Variants in FHIT observed in about 807,000 individuals in gnomAD.
FHIT encodes bis(5'-adenosyl)-triphosphatase.
A neutral mutation model predicts 17.9 loss-of-function variants in FHIT; 19 were observed. The observed-to-expected ratio is 1.06, with a 90% CI of 0.74 to 1.56. The LOEUF (loss-of-function observed/expected upper bound fraction) is 1.56, where lower values mean the gene tolerates loss of function less well. Ranked by LOEUF, FHIT falls within the 40% of genes most tolerant of loss-of-function variation. FHIT has a pLI of 0.00. For missense variants in FHIT, 248 were observed against 189.2 expected (o/e 1.31, Z -1.82); for synonymous variants, 81 against 69.7 (o/e 1.16, Z -0.81).
intron 5 of FHIT, among the ~76,000 whole-genome samples, chr3:60,075,041 T>C (rs1389871222): frequency 1.3e-5 from 2 of 152,092 alleles, no homozygotes; most frequent in African/African-American, 4.8e-5. Context: ...TGCTAGCCAG[T>C]TTCTGCCCCC....
At chr3:60,878,483 T>G (rs1704778699) in intron 3 of FHIT, among the ~76,000 whole-genome samples, 1 of 152,102 alleles carries the variant, frequency 6.6e-6, no homozygotes, top group Non-Finnish European at 1.5e-5. Flanking sequence ...TCACTGCCAC[T>G]ACCATACCCC....
chr3:60,324,442 G>A (rs1348982460), intron 5 of FHIT, among the ~76,000 whole-genome samples: 8 of 152,036 alleles, frequency 5.3e-5, no homozygotes, highest in African/African-American at 7.2e-5. Flanking sequence ...AAAATTAGCC[G>A]GGCGTGGTGG....
chr3:60,630,087 C>T (rs2039399596), intron 4 of FHIT, among the ~76,000 whole-genome samples: 1 of 152,186 alleles, frequency 6.6e-6, no homozygotes, highest in Admixed American at 6.6e-5. Flanking sequence ...GAGACTGGTT[C>T]AAACAGGAAC....
chr3:60,126,930 C>T lies in FHIT; in HGVS notation c.104-112778G>A, dbSNP rs151063356. 2.0e-3 allele frequency among the ~76,000 whole-genome samples: 305 copies of T among 152,262 alleles called. 1 individual carries two copies. Among genetic ancestry groups the T allele is most frequent in the African/African-American group, 7.3e-3 (302 of 41,548 alleles). ...ATACCTGCAGGGAGGTGCGCGCTTC[C>T]GTAACTAGTGGCCTTTGTTCTAACC... On this transcript the variant is annotated intron_variant, in intron 5 of 9. Transcript: ENST00000492590.
chr3:61,036,326 T>G (rs2033237115), intron 3 of FHIT, among the ~76,000 whole-genome samples: 1 of 151,534 alleles, frequency 6.6e-6, no homozygotes, highest in African/African-American at 2.4e-5. Flanking sequence ...CCCCCCCTGA[T>G]CTAATCACCC....
At chr3:60,633,859 A>G (rs2039510304) in intron 4 of FHIT, among the ~76,000 whole-genome samples, 1 of 152,240 alleles carries the variant, frequency 6.6e-6, no homozygotes, top group African/African-American at 2.4e-5. Context: ...CACCAAGTCC[A>G]GCTGCCAGGG....
At chr3:61,193,848 GACA>G (rs2038782447) in intron 2 of FHIT, among the ~76,000 whole-genome samples, 1 of 152,100 alleles carries the variant, frequency 6.6e-6, no homozygotes, top group Admixed American at 6.6e-5. Flanking sequence ...TATAACAAAA[GACA>G]GGTCAGCAAG....
intron 3 of FHIT, among the ~76,000 whole-genome samples, chr3:60,890,145 T>A (rs1165732331): frequency 6.6e-6 from 1 of 150,906 alleles, no homozygotes; most frequent in African/African-American, 2.5e-5. Context: ...TGTCACAGTG[T>A]TCTACTTCCA....
intron 4 of FHIT, among the ~76,000 whole-genome samples, chr3:60,678,393 A>G (rs2040670881): frequency 6.6e-6 from 1 of 152,188 alleles, no homozygotes; most frequent in African/African-American, 2.4e-5. Flanking sequence ...TAGCAACTGC[A>G]TGTTATTATA....
intron 5 of FHIT, among the ~76,000 whole-genome samples, chr3:60,504,409 C>A (rs904787731): frequency 1.3e-5 from 2 of 148,726 alleles, no homozygotes; most frequent in African/African-American, 2.5e-5. Flanking sequence ...TCCAGCCTGG[C>A]GACAGAACGA....
intron 5 of FHIT, among the ~76,000 whole-genome samples, chr3:60,141,820 A>T (rs1700051362): frequency 6.6e-6 from 1 of 152,214 alleles, no homozygotes; most frequent in South Asian, 2.1e-4. Context: ...TGTTCATCAT[A>T]AATACAAGGA....
At chr3:60,255,877 C>A (rs1705965957) in intron 5 of FHIT, among the ~76,000 whole-genome samples, 1 of 151,760 alleles carries the variant, frequency 6.6e-6, no homozygotes, top group Non-Finnish European at 1.5e-5. Context: ...CAAAAAAAAA[C>A]AAACAACAAA....
intron 5 of FHIT, among the ~76,000 whole-genome samples, chr3:60,113,875 G>T (rs927432317): frequency 2.7e-4 from 40 of 146,114 alleles, no homozygotes; most frequent in African/African-American, 1.0e-3. Context: ...GGTGGCGGGC[G>T]CCTGTAGTCC....
At chr3:60,604,617 T>G (rs35710425) in intron 4 of FHIT, among the ~76,000 whole-genome samples, 2,033 of 152,264 alleles carry the variant, frequency 0.013, 32 homozygotes, top group Non-Finnish European at 0.02. Context: ...ACAAATTATG[T>G]CATTTCTTAT....
At chr3:59,804,141 C>T (rs917019220) in intron 8 of FHIT, among the ~76,000 whole-genome samples, 3 of 152,186 alleles carry the variant, frequency 2.0e-5, no homozygotes, top group African/African-American at 4.8e-5. Context: ...TCTCGCAGAG[C>T]GACCATCAGG....
At chr3:60,253,022 A>G (rs1004800317) in intron 5 of FHIT, among the ~76,000 whole-genome samples, 4 of 152,084 alleles carry the variant, frequency 2.6e-5, no homozygotes, top group African/African-American at 9.7e-5. Flanking sequence ...AATAAATAAT[A>G]AAAAATAAAA....
At chr3:60,180,933 T>G (rs1292732482) in intron 5 of FHIT, among the ~76,000 whole-genome samples, 1 of 152,086 alleles carries the variant, frequency 6.6e-6, no homozygotes, top group Non-Finnish European at 1.5e-5. Context: ...AGTAAGCATT[T>G]ACTTATATTT....
intron 5 of FHIT, among the ~76,000 whole-genome samples, chr3:60,453,026 A>G (rs1352745505): frequency 6.6e-6 from 1 of 152,224 alleles, no homozygotes; most frequent in Non-Finnish European, 1.5e-5. Flanking sequence ...TACAAGTTCA[A>G]AGTACAAAAT....
At chr3:60,001,073 C>G (rs1002849888) in intron 7 of FHIT, among the ~76,000 whole-genome samples, 1 of 152,218 alleles carries the variant, frequency 6.6e-6, no homozygotes, top group African/African-American at 2.4e-5. Context: ...CCACCCCATT[C>G]CCCTTCCACC....
Sources: gnomAD v4.1 joint callset for allele counts (sites outside exome capture counted in the v4.1 genomes callset) on GRCh38, gnomAD v4.1.1 for gene constraint, MANE v1.5 for transcripts, NCBI Gene and HGNC (gene_info 2026-07-23, HGNC 2026-07-21) for gene names.